The following GLYAT variants were observed in gnomAD, a reference collection of about 807,000 sequenced individuals.
GLYAT encodes glycine-N-acyltransferase, also known as glycine N-acyltransferase.
A neutral mutation model predicts 22.8 loss-of-function variants in GLYAT; 25 were observed. That is an observed-to-expected ratio of 1.09 (90% confidence interval 0.80 to 1.53). The LOEUF is 1.53. Among genes scored for constraint, GLYAT ranks in the 40% most tolerant of loss-of-function variants. The pLI is 0.00. For missense variants in GLYAT, 411 were observed against 353.9 expected, an observed-to-expected ratio of 1.16 and a Z score of -1.29; for synonymous variants, 140 against 122.7, an observed-to-expected ratio of 1.14 and a Z score of -0.93.
At chr11:58,717,445 T>C (rs1565057013) in intron 2 of GLYAT, among the ~76,000 whole-genome samples, 1 of 152,068 alleles carries the variant, frequency 6.6e-6, no homozygotes. Context: ...CTTATGTATG[T>C]AAACAGGTTG....
At chr11:58,710,798 G>A (rs750497262) in intron 4 of GLYAT, 37 bp from the exon 5 acceptor site, 7 of 1,251,186 alleles carry the variant, frequency 5.6e-6, no homozygotes, top group East Asian at 4.6e-5. Context: ...AATGGTTTAG[G>A]TATATTCTAG....
intron 2 of GLYAT, among the ~76,000 whole-genome samples, chr11:58,723,724 A>G (rs1281766349): frequency 3.3e-5 from 5 of 152,034 alleles, no homozygotes; most frequent in Non-Finnish European, 7.4e-5. Flanking sequence ...CATACAGACA[A>G]GAATCTGACT....
chr11:58,730,696 G>A (rs1017011475), intron 1 of GLYAT, among the ~76,000 whole-genome samples: 3 of 152,138 alleles, frequency 2.0e-5, no homozygotes, highest in African/African-American at 7.2e-5. Context: ...TGAGCCCACA[G>A]CAAGTTAAAG....
chr11:58,726,127 A>G (rs1856809513), intron 1 of GLYAT, among the ~76,000 whole-genome samples: 1 of 151,664 alleles, frequency 6.6e-6, no homozygotes, highest in African/African-American at 2.4e-5. Flanking sequence ...ACCAATTATT[A>G]TTTTAGAGAG....
intron 3 of GLYAT, among the ~76,000 whole-genome samples, chr11:58,714,817 G>A (rs628124): frequency 0.69 from 104,876 of 152,012 alleles, 37,711 homozygotes; most frequent in Middle Eastern, 0.88. Context: ...TCAATTAAAC[G>A]TCTTTCCTTG....
intron 5 of GLYAT, 76 bp from the exon 6 acceptor site, chr11:58,710,244 G>T: frequency 6.6e-7 from 1 of 1,514,572 alleles, no homozygotes; most frequent in Non-Finnish European, 8.8e-7. Flanking sequence ...ATTGTCTTGA[G>T]AGACAGAGTA....
At chr11:58,710,211 G>A (rs1289434680) in intron 5 of GLYAT, 43 bp from the exon 6 acceptor site, 1 of 1,559,052 alleles carries the variant, frequency 6.4e-7, no homozygotes, top group African/African-American at 1.4e-5. Context: ...TTAGTATAAA[G>A]GTTTGTATTT....
intron 2 of GLYAT, among the ~76,000 whole-genome samples, chr11:58,715,791 A>G (rs1856672484): frequency 2.0e-5 from 3 of 152,292 alleles, no homozygotes; most frequent in East Asian, 3.9e-4. Context: ...ATAAAATTTC[A>G]TTACATGGAT....
chr11:58,726,773 G>A (rs1856815147), intron 1 of GLYAT, among the ~76,000 whole-genome samples: 1 of 152,152 alleles, frequency 6.6e-6, no homozygotes, highest in Admixed American at 6.6e-5. Flanking sequence ...GGGAGTAGGA[G>A]TGATTAGAGA....
intron 2 of GLYAT, among the ~76,000 whole-genome samples, chr11:58,715,905 C>A (rs1856673852): frequency 6.6e-6 from 1 of 152,136 alleles, no homozygotes; most frequent in African/African-American, 2.4e-5. Context: ...GGAATCTTTG[C>A]ATGGGTACCT....
rs1856576340 is a variant in GLYAT, at chr11:58,709,075, C to A, written c.*691G>T. ...AAACACAATAAAAATTGTATACAGT[C>A]AAACACAAAACTTTCTGTATTATTT... On this transcript the variant is annotated 3_prime_UTR_variant, in exon 6 of 6. Coordinates refer to ENST00000344743, the MANE Select transcript of GLYAT (RefSeq NM_201648.3). 1 of 152,164 alleles carries A rather than the reference C, an allele frequency of 6.6e-6. No individual in the cohort carries two copies. The highest frequency in any genetic ancestry group is 1.5e-5 in the Non-Finnish European group (1 of 68,038). 9.4% of individuals were successfully genotyped at this position (152,164 alleles called of 1,614,324 possible).
At chr11:58,723,757 A>AAT (rs1856780435) in intron 2 of GLYAT, among the ~76,000 whole-genome samples, 1 of 151,944 alleles carries the variant, frequency 6.6e-6, no homozygotes, top group South Asian at 2.1e-4. Context: ...CTGCTCTTGC[A>AAT]TAGTTCTGGA....
In GLYAT at chr11:58,712,779, T is replaced by C; in HGVS notation, c.297A>G (p.Lys99=). 1 of 1,613,186 alleles carries C rather than the reference T, an allele frequency of 6.2e-7. No homozygotes were observed. The highest frequency in any genetic ancestry group is 8.5e-7 in the Non-Finnish European group (1 of 1,179,286). The part of the protein sequence containing the change: ...FLGSPELINW[K]QHLQIQSSQP... ...ACTTACTTTGAATCTGTAAATGCTG[T>C]TTCCAGTTGATGAGTTCTGGTGATC... The change falls in exon 4 of 6, where the codon AAA becomes AAG. Residue 99 remains lysine, a synonymous_variant. Transcript: ENST00000344743.
At position 58,710,137 on chromosome 11, in the gene GLYAT, C is replaced by G. The variant is rs376065098; in HGVS notation, c.520G>C (p.Asp174His). The change falls in exon 6 of 6, where the codon GAT becomes CAT. Residue 174 changes from aspartate (D) to histidine (H), a missense_variant. Coordinates refer to ENST00000344743, the MANE Select transcript of GLYAT (RefSeq NM_201648.3). ...NQEMFKLSSM[D>H]VTHAHLVNKF... is the part of the protein sequence containing the mutation. ...TTCACCAAGTGAGCATGGGTAACAT[C>G]CATGGATGAGAGTTTAAACATCTCT... 17 of 1,613,684 alleles carry G rather than the reference C, an allele frequency of 1.1e-5. No homozygotes were observed. Among genetic ancestry groups the G allele is most frequent in the Admixed American group, 1.7e-5 (1 of 59,970 alleles).
At chr11:58,728,948 G>C (rs1291685965) in intron 1 of GLYAT, among the ~76,000 whole-genome samples, 1 of 138,902 alleles carries the variant, frequency 7.2e-6, no homozygotes, top group Non-Finnish European at 1.6e-5. Flanking sequence ...GAAGGAAGGA[G>C]AGAATAAAAG....
intron 1 of GLYAT, among the ~76,000 whole-genome samples, chr11:58,730,568 T>A (rs1856861927): frequency 6.6e-6 from 1 of 152,082 alleles, no homozygotes; most frequent in African/African-American, 2.4e-5. Context: ...TCTCACAGAG[T>A]GAGTTTTGTT....
chr11:58,713,266 A>G (rs1279376479), intron 3 of GLYAT, among the ~76,000 whole-genome samples: 1 of 152,116 alleles, frequency 6.6e-6, no homozygotes, highest in Non-Finnish European at 1.5e-5. Flanking sequence ...TTATTTCTGA[A>G]TTCTTTAAAT....
At chr11:58,711,641 T>C (rs940894422) in intron 4 of GLYAT, among the ~76,000 whole-genome samples, 4 of 152,186 alleles carry the variant, frequency 2.6e-5, no homozygotes, top group Non-Finnish European at 5.9e-5. Context: ...ATAATCCTAG[T>C]AGGTAAATTT....
intron 4 of GLYAT, among the ~76,000 whole-genome samples, chr11:58,711,312 A>C (rs1856614109): frequency 6.6e-6 from 1 of 152,196 alleles, no homozygotes; most frequent in Admixed American, 6.5e-5. Context: ...GAAACCAGAC[A>C]CAACAGTAGG....
Sources: gnomAD v4.1 joint callset for allele counts (sites outside exome capture counted in the v4.1 genomes callset) on GRCh38, gnomAD v4.1.1 for gene constraint, MANE v1.5 for transcripts, NCBI Gene and HGNC (gene_info 2026-07-23, HGNC 2026-07-21) for gene names.